Variants in NOL12 observed in about 807,000 individuals in gnomAD.
The protein encoded by NOL12 is nucleolar protein 12.
Under a neutral mutation model 25.2 loss-of-function variants are expected in NOL12, and 21 were observed. The ratio of observed to expected loss-of-function variants is 0.83; its 90% CI spans 0.59 to 1.20. The LOEUF (loss-of-function observed/expected upper bound fraction) is 1.20, where lower values mean the gene tolerates loss of function less well. NOL12 is among the 50% of genes most tolerant of loss of function. The pLI is 0.00. For synonymous variants in NOL12, 133 were observed against 113.8 expected, an observed-to-expected ratio of 1.17 and a Z score of -1.08; for missense variants, 286 against 287.6, an observed-to-expected ratio of 0.99 and a Z score of 0.04.
intron 1 of NOL12, among the ~76,000 whole-genome samples, chr22:37,687,532 A>G (rs931148316): frequency 1.6e-4 from 25 of 152,164 alleles, no homozygotes; most frequent in Admixed American, 8.5e-4. Context: ...ATCTCGGCTC[A>G]CTGCAACCTC....
In NOL12 at chr22:37,692,214, AG is replaced by A. The variant is rs1467382646; in HGVS notation, c.*880del. ...TCTACTAAAAATGCAAAAATTAGCC[AG>A]GTGTGGTGGCACACGCGTGTAATCC... is the stretch of plus-strand genomic sequence containing the variant. On this transcript the variant is annotated 3_prime_UTR_variant, in exon 6 of 6. Coordinates refer to ENST00000359114, the MANE Select transcript of NOL12 (RefSeq NM_024313.3). The A allele has an allele frequency of 1.1e-5, 3 of 285,516 alleles. No individual in the cohort carries two copies. The highest frequency in any genetic ancestry group is 6.5e-5 in the African/African-American group (3 of 46,064). 17.7% of individuals were successfully genotyped at this position (285,516 alleles called of 1,614,324 possible).
At chr22:37,690,000 T>C (rs1477027833) in intron 4 of NOL12, among the ~76,000 whole-genome samples, 1 of 152,224 alleles carries the variant, frequency 6.6e-6, no homozygotes. Context: ...GGAGAAACCC[T>C]GTCTCTACTA....
rs1921893871 is a variant in NOL12, at chr22:37,687,912, A to C, written c.86A>C (p.Glu29Ala). The C allele has an allele frequency of 1.3e-6, 2 of 1,568,718 alleles. No individual in the cohort carries two copies. Among genetic ancestry groups the C allele is most frequent in the African/African-American group, 2.7e-5 (2 of 73,960 alleles). ...VLSFDEEKRR[E>A]YLTGFHKRKV... Reference sequence around the variant, plus strand: ...CTCTGCCGGCTTCCTTCCTGTAGGGAGTACCTGACAGGCTTCCACAAGCGG... The same window carrying C: ...CTCTGCCGGCTTCCTTCCTGTAGGGCGTACCTGACAGGCTTCCACAAGCGG... The change falls in exon 2 of 6, where the codon GAG becomes GCG. Residue 29 changes from glutamate to alanine, a missense_variant and splice_region_variant. Coordinates refer to ENST00000359114, the MANE Select transcript of NOL12 (RefSeq NM_024313.3).
In NOL12 at chr22:37,691,213, CA is replaced by C; in HGVS notation, c.524del (p.Lys175ArgfsTer69). On this transcript the variant is annotated frameshift_variant, in exon 6 of 6. Coordinates refer to ENST00000359114, the MANE Select transcript of NOL12 (RefSeq NM_024313.3). LOFTEE classifies it high-confidence loss of function. Reference sequence around the variant, plus strand: ...CAGCATCACTACATGCACACAGCCGCAAAAAGGTCAAGAGGAAACATCCCCG... The same window carrying C: ...CAGCATCACTACATGCACACAGCCGCAAAAGGTCAAGAGGAAACATCCCCG... Reference protein sequence around the residue: ...LTASLHAHSRKKVKRKHPRRA... With the variant: ...LTASLHAHSRXKVKRKHPRRA... 6.2e-7 allele frequency: 1 copy of C among 1,613,858 alleles called. No individual in the cohort carries two copies. Among genetic ancestry groups the C allele is most frequent in the Non-Finnish European group, 8.5e-7 (1 of 1,179,898 alleles).
intron 5 of NOL12, 98 bp downstream of exon 5, chr22:37,690,892 C>G (rs1002205971): frequency 2.3e-6 from 2 of 869,008 alleles, no homozygotes; most frequent in Non-Finnish European, 1.8e-6. Context: ...GGGCCCGGAG[C>G]AGCCCTCTGC....
rs780926629 is a variant in NOL12, at chr22:37,691,169, C to G, written c.480-5C>G. 6.9e-6 allele frequency: 11 copies of G among 1,604,012 alleles called. No homozygotes were observed. The highest frequency in any genetic ancestry group is 6.8e-6 in the Non-Finnish European group (8 of 1,173,918). The stretch of plus-strand genomic sequence containing the variant: ...CTTAAACTGAGGCTTTCTGCCCTCC[C>G]CTAGGATCTCCTCCCTCACAGCATC... On this transcript the variant is annotated splice_polypyrimidine_tract_variant and splice_region_variant and intron_variant, in intron 5 of 5. Transcript: ENST00000359114.
chr22:37,690,030 G>A (rs56294044), intron 4 of NOL12, among the ~76,000 whole-genome samples: 8,595 of 152,330 alleles, frequency 0.056, 768 homozygotes, highest in African/African-American at 0.19. Context: ...AATTAGCTGG[G>A]TGTGGTGGGA....
rs1270629044 is a variant in NOL12, at chr22:37,691,135, C to A, written c.480-39C>A. On this transcript the variant is annotated intron_variant, in intron 5 of 5. Transcript: ENST00000359114. ...GTGAGCCAGGTGGTGAGTCACCCCA[C>A]AATGCAATCTTAAACTGAGGCTTTC... 4 of 1,564,900 alleles carry A rather than the reference C, an allele frequency of 2.6e-6. No individual in the cohort carries two copies. The Admixed American group carries it at 7.3e-5, about 28-fold the overall frequency.
intron 2 of NOL12, 112 bp downstream of exon 2, chr22:37,688,127 C>G (rs780481001): frequency 1.8e-6 from 2 of 1,111,350 alleles, no homozygotes; most frequent in Non-Finnish European, 2.7e-6. Context: ...GTGGGCAGGA[C>G]TGGGGAATAG....
In NOL12 at chr22:37,692,892, A is replaced by T; in HGVS notation, c.*1556A>T. On this transcript the variant is annotated 3_prime_UTR_variant, in exon 6 of 6. Transcript: ENST00000359114. ...ATGTCACCATCAAAACCCACTGATGAAGGCTGGTGGGAGTCTGAGGGCTGC... is the reference window on the plus strand; with the variant it reads ...ATGTCACCATCAAAACCCACTGATGTAGGCTGGTGGGAGTCTGAGGGCTGC... The T allele has an allele frequency of 2.5e-6, 1 of 395,408 alleles. No homozygotes were observed. Among genetic ancestry groups the T allele is most frequent in the Non-Finnish European group, 4.5e-6 (1 of 224,564 alleles). 24.5% of individuals were successfully genotyped at this position (395,408 alleles called of 1,614,324 possible).
intron 5 of NOL12, 59 bp from the exon 6 acceptor site, chr22:37,691,115 C>T: frequency 6.5e-7 from 1 of 1,530,998 alleles, no homozygotes; most frequent in Non-Finnish European, 8.8e-7. Flanking sequence ...CCTCCGTGAG[C>T]CAGGTGGTGA....
intron 1 of NOL12, chr22:37,687,103 C>T: frequency 3.0e-6 from 3 of 985,258 alleles, no homozygotes; most frequent in Non-Finnish European, 3.6e-6. Context: ...ATCAACAGGC[C>T]CTACAGGCGA....
At position 37,691,425 on chromosome 22, in the gene NOL12, G is replaced by C. The variant is rs937537704; in HGVS notation, c.*89G>C. 33 of 1,408,496 alleles carry C rather than the reference G, an allele frequency of 2.3e-5. No individual in the cohort carries two copies. The Admixed American group carries it at 8.2e-4, about 35-fold the overall frequency. 87.2% of individuals were successfully genotyped at this position (1,408,496 alleles called of 1,614,324 possible). A position where few individuals can be genotyped will look rare whatever the true frequency, so the allele number is the denominator to read the frequency against. On this transcript the variant is annotated 3_prime_UTR_variant, in exon 6 of 6. Coordinates refer to ENST00000359114, the MANE Select transcript of NOL12 (RefSeq NM_024313.3). ...TCCCTGTAGCCCAGCCTGCACCTAG[G>C]TAATGACTGCACAGCTCAAGGTTGG...
rs530505315 is a variant in NOL12 at position 37,692,506 on chromosome 22, T to C, written c.*1170T>C. ...GATGAGTTGATGGAAACCCTGTCCC[T>C]TCCTTGTCCCAGCTTGTCAGTCCTG... On this transcript the variant is annotated 3_prime_UTR_variant, in exon 6 of 6. Coordinates refer to ENST00000359114, the MANE Select transcript of NOL12 (RefSeq NM_024313.3). 3 of 398,746 alleles carry C rather than the reference T, an allele frequency of 7.5e-6. No homozygotes were observed. The highest frequency in any genetic ancestry group is 1.3e-5 in the Non-Finnish European group (3 of 226,142). 24.7% of individuals were successfully genotyped at this position (398,746 alleles called of 1,614,324 possible).
chr22:37,689,373 A>C (rs529686486), intron 4 of NOL12, among the ~76,000 whole-genome samples: 1 of 152,280 alleles, frequency 6.6e-6, no homozygotes, highest in South Asian at 2.1e-4. Flanking sequence ...AATCCATGTG[A>C]GTCACCTGGC....
Position 37,691,400 on chromosome 22 carries a change from T to C in NOL12, c.*64T>C. ...GACCTGTCCTTGCTCAGCTTGGCTG[T>C]CCCTGTAGCCCAGCCTGCACCTAGG... On this transcript the variant is annotated 3_prime_UTR_variant, in exon 6 of 6. Coordinates refer to ENST00000359114, the MANE Select transcript of NOL12 (RefSeq NM_024313.3). 1 of 1,499,588 alleles carries C rather than the reference T, an allele frequency of 6.7e-7. No homozygotes were observed. The highest frequency in any genetic ancestry group is 8.9e-7 in the Non-Finnish European group (1 of 1,117,742). 92.9% of individuals were successfully genotyped at this position (1,499,588 alleles called of 1,614,324 possible). A position where few individuals can be genotyped will look rare whatever the true frequency, so the allele number is the denominator to read the frequency against.
intron 4 of NOL12, 42 bp from the exon 5 acceptor site, chr22:37,690,655 C>T (rs774654748): frequency 1.3e-6 from 2 of 1,487,762 alleles, no homozygotes; most frequent in Non-Finnish European, 1.9e-6. Context: ...CAGGTCCCCC[C>T]AGCTACTGCT....
At chr22:37,690,649 T>TC in intron 4 of NOL12, 48 bp from the exon 5 acceptor site, 1 of 1,413,596 alleles carries the variant, frequency 7.1e-7, no homozygotes, top group Non-Finnish European at 9.9e-7. Flanking sequence ...CCAGCCCAGG[T>TC]CCCCCCAGCT....
chr22:37,690,269 G>T (rs1437244182), intron 4 of NOL12, among the ~76,000 whole-genome samples: 1 of 152,266 alleles, frequency 6.6e-6, no homozygotes, highest in Non-Finnish European at 1.5e-5. Flanking sequence ...GGCGCAGGTT[G>T]CAGTGAGCCA....
Sources: gnomAD v4.1 joint callset for allele counts (sites outside exome capture counted in the v4.1 genomes callset) on GRCh38, gnomAD v4.1.1 for gene constraint, MANE v1.5 for transcripts, NCBI Gene and HGNC (gene_info 2026-07-23, HGNC 2026-07-21) for gene names.